FBXL7: variants seen among roughly 807,000 people sequenced by gnomAD.
FBXL7 encodes the protein F-box and leucine rich repeat protein 7.
FBXL7 carries 12 observed loss-of-function variants against 38.3 expected under a neutral mutation model. That is an observed-to-expected ratio of 0.31 (90% CI 0.20 to 0.51). The LOEUF (loss-of-function observed/expected upper bound fraction) is 0.51, where lower values mean the gene tolerates loss of function less well. FBXL7 is among the 20% of genes least tolerant of loss of function. The pLI, the probability that FBXL7 is intolerant of heterozygous loss-of-function variation, is 0.98. For missense variants in FBXL7, 567 were observed against 676.4 expected (o/e 0.84, Z 1.79); for synonymous variants, 297 against 300.9 (o/e 0.99, Z 0.13).
intron 2 of FBXL7, among the ~76,000 whole-genome samples, chr5:15,922,384 G>A (rs1279594229): frequency 6.6e-6 from 1 of 152,110 alleles, no homozygotes; most frequent in Non-Finnish European, 1.5e-5. Flanking sequence ...CAAGTAAAAT[G>A]ATCAAGAGCT....
chr5:15,732,047 T>C (rs1735601640), intron 2 of FBXL7, among the ~76,000 whole-genome samples: 1 of 152,200 alleles, frequency 6.6e-6, no homozygotes, highest in South Asian at 2.1e-4. Flanking sequence ...CTTTGGTGAA[T>C]CTTAGGAGCT....
At chr5:15,600,778 C>G (rs996039324) in intron 1 of FBXL7, among the ~76,000 whole-genome samples, 2 of 152,120 alleles carry the variant, frequency 1.3e-5, no homozygotes, top group African/African-American at 4.8e-5. Context: ...AGAATTTTCA[C>G]TAATTTAGAC....
rs78139386 is a variant in FBXL7, at chr5:15,645,861, G to A, written c.127+29789G>A. Reference sequence around the variant, plus strand: ...TTGGCTGTGTTGTTCACTTGAAAACGACAATGTTGTTGCCTAGCCTTCCTG... The same window carrying A: ...TTGGCTGTGTTGTTCACTTGAAAACAACAATGTTGTTGCCTAGCCTTCCTG... On this transcript the variant is annotated intron_variant, in intron 2 of 3. Transcript: ENST00000504595. Among the ~76,000 whole-genome samples, 889 of 152,160 alleles carry A rather than the reference G, an allele frequency of 5.8e-3. 5 individuals carry two copies. The highest frequency in any genetic ancestry group is 0.011 in the Admixed American group (167 of 15,232).
intron 1 of FBXL7, among the ~76,000 whole-genome samples, chr5:15,503,628 C>T (rs1290631803): frequency 6.6e-6 from 1 of 152,152 alleles, no homozygotes; most frequent in East Asian, 1.9e-4. Flanking sequence ...AATCTTCTTC[C>T]ACCATGTGGA....
chr5:15,654,602 T>C (rs1003561331), intron 2 of FBXL7, among the ~76,000 whole-genome samples: 1 of 152,088 alleles, frequency 6.6e-6, no homozygotes, highest in Admixed American at 6.6e-5. Flanking sequence ...AGATTCAAGG[T>C]TTTTTAAAGT....
At chr5:15,801,932 A>G (rs1737580558) in intron 2 of FBXL7, among the ~76,000 whole-genome samples, 1 of 152,100 alleles carries the variant, frequency 6.6e-6, no homozygotes, top group South Asian at 2.1e-4. Context: ...CATCGATGAA[A>G]TTCAAGAGAT....
At chr5:15,730,157 A>G (rs1735540273) in intron 2 of FBXL7, among the ~76,000 whole-genome samples, 1 of 150,716 alleles carries the variant, frequency 6.6e-6, no homozygotes, top group African/African-American at 2.4e-5. Context: ...AGGATAATAA[A>G]TTTTACAGAT....
chr5:15,623,184 G>A (rs936976380), intron 2 of FBXL7, among the ~76,000 whole-genome samples: 1 of 152,200 alleles, frequency 6.6e-6, no homozygotes, highest in African/African-American at 2.4e-5. Flanking sequence ...AATAGTTTGG[G>A]AGAGGTTGTT....
intron 1 of FBXL7, among the ~76,000 whole-genome samples, chr5:15,585,078 A>G (rs573293206): frequency 2.0e-5 from 3 of 152,368 alleles, no homozygotes; most frequent in Non-Finnish European, 4.4e-5. Flanking sequence ...ATTAAGAATT[A>G]AAATTTCTGT....
rs561849443 is a variant in FBXL7 at position 15,737,007 on chromosome 5, A to C, written c.127+120935A>C. Among the ~76,000 whole-genome samples the C allele has an allele frequency of 2.6e-5, 4 of 152,290 alleles. No homozygotes were observed. The South Asian group carries it at 8.3e-4, about 32-fold the overall frequency. On this transcript the variant is annotated intron_variant, in intron 2 of 3. Coordinates refer to ENST00000504595, the MANE Select transcript of FBXL7 (RefSeq NM_012304.5). ...CTATAACAACTCATGAGGTAGATGCAGTTATCCTTCCATTTCATCACTGAG... is the reference window on the plus strand; with the variant it reads ...CTATAACAACTCATGAGGTAGATGCCGTTATCCTTCCATTTCATCACTGAG...
chr5:15,737,863 AC>A (rs1735794907), intron 2 of FBXL7, among the ~76,000 whole-genome samples: 1 of 152,206 alleles, frequency 6.6e-6, no homozygotes, highest in Non-Finnish European at 1.5e-5. Flanking sequence ...GCATCCTGGT[AC>A]CCATCAGTTC....
chr5:15,678,555 T>C (rs763889046), intron 2 of FBXL7, among the ~76,000 whole-genome samples: 1 of 152,228 alleles, frequency 6.6e-6, no homozygotes, highest in African/African-American at 2.4e-5. Context: ...CATGATCTTA[T>C]CACAGTTTGG....
chr5:15,834,249 G>A (rs1738530574), intron 2 of FBXL7, among the ~76,000 whole-genome samples: 1 of 152,134 alleles, frequency 6.6e-6, no homozygotes. Context: ...ACGTAACTTT[G>A]TTTTAATCAC....
intron 2 of FBXL7, among the ~76,000 whole-genome samples, chr5:15,680,534 A>AGT (rs1156475281): frequency 2.0e-5 from 3 of 152,152 alleles, no homozygotes; most frequent in African/African-American, 7.2e-5. Context: ...CAGTTGGTTA[A>AGT]GTGTTTGGAT....
At chr5:15,759,441 A>G (rs2126696374) in intron 2 of FBXL7, among the ~76,000 whole-genome samples, 1 of 152,296 alleles carries the variant, frequency 6.6e-6, no homozygotes, top group South Asian at 2.1e-4. Flanking sequence ...CAGAATTCCC[A>G]TTGACTGCCT....
intron 2 of FBXL7, among the ~76,000 whole-genome samples, chr5:15,855,620 A>C (rs1739232308): frequency 6.6e-6 from 1 of 152,194 alleles, no homozygotes; most frequent in Non-Finnish European, 1.5e-5. Flanking sequence ...GAGCTAAATA[A>C]AAATCTTTGT....
intron 2 of FBXL7, among the ~76,000 whole-genome samples, chr5:15,671,616 C>G (rs1346067807): frequency 2.6e-5 from 4 of 152,188 alleles, no homozygotes; most frequent in Admixed American, 1.3e-4. Flanking sequence ...AAACTAATTC[C>G]TCTCTGCCTC....
intron 2 of FBXL7, among the ~76,000 whole-genome samples, chr5:15,898,489 A>G (rs901799657): frequency 6.6e-6 from 1 of 152,210 alleles, no homozygotes; most frequent in Non-Finnish European, 1.5e-5. Context: ...TATCCTGCCT[A>G]TCAGTCAGCA....
At chr5:15,601,256 A>C (rs1425130664) in intron 1 of FBXL7, among the ~76,000 whole-genome samples, 1 of 131,358 alleles carries the variant, frequency 7.6e-6, no homozygotes, top group East Asian at 2.1e-4. Flanking sequence ...GCAAGACACA[A>C]GTCTTTTCAT....
Sources: gnomAD v4.1 joint callset for allele counts (sites outside exome capture counted in the v4.1 genomes callset) on GRCh38, gnomAD v4.1.1 for gene constraint, MANE v1.5 for transcripts, NCBI Gene and HGNC (gene_info 2026-07-23, HGNC 2026-07-21) for gene names.